KIF1A: variants seen among roughly 807,000 people sequenced by gnomAD.
The protein encoded by KIF1A is kinesin family member 1A.
In KIF1A, 46 loss-of-function variants were observed where a neutral mutation model predicts 227.3. The ratio of observed to expected loss-of-function variants is 0.20; its 90% CI spans 0.16 to 0.26. The LOEUF (loss-of-function observed/expected upper bound fraction) is 0.26. KIF1A is among the 10% of genes least tolerant of loss of function. KIF1A has a pLI of 1.00. For missense variants in KIF1A, 1,683 were observed against 2,485.9 expected (o/e 0.68, Z 6.87); for synonymous variants, 1,022 against 1,012.8 (o/e 1.01, Z -0.17).
intron 38 of KIF1A, chr2:240,728,527 G>A (rs984875390): frequency 1.8e-5 from 11 of 626,332 alleles, no homozygotes; most frequent in African/African-American, 3.8e-5. Context: ...GCAGGTGCAC[G>A]CCGGATCTCA....
In KIF1A at chr2:240,773,942, C is replaced by T. The variant is rs1028624699; in HGVS notation, c.1037+241G>A. On this transcript the variant is annotated intron_variant, in intron 12 of 48. Coordinates refer to ENST00000498729, the MANE Select transcript of KIF1A (RefSeq NM_001244008.2). ...GCACAGCTCTCCCAGTCTGGTGCCA[C>T]GGGGCCCTGGGCTGCCTGCAGCCCC... Among the ~76,000 whole-genome samples the T allele has an allele frequency of 3.9e-5, 6 of 152,286 alleles. No homozygotes were observed. The South Asian group carries it at 1.0e-3, about 26-fold the overall frequency.
chr2:240,763,466 C>A (rs1311693044), intron 20 of KIF1A, 120 bp from the exon 21 acceptor site: 2 of 906,382 alleles, frequency 2.2e-6, no homozygotes, highest in Non-Finnish European at 3.3e-6. Context: ...ATCCCCAGCT[C>A]CCAGCCACTC....
intron 32 of KIF1A, among the ~76,000 whole-genome samples, chr2:240,744,528 G>C (rs528342195): frequency 6.6e-6 from 1 of 152,304 alleles, no homozygotes; most frequent in East Asian, 1.9e-4. Flanking sequence ...GTTAACGAGA[G>C]GTCATCAGAG....
rs111599195 is a variant in KIF1A, at chr2:240,795,323, G to A, written c.106+2324C>T. Among the ~76,000 whole-genome samples, 39 of 152,298 alleles carry A rather than the reference G, an allele frequency of 2.6e-4. 1 individual carries two copies. The South Asian group carries it at 7.7e-3, about 30-fold the overall frequency. On this transcript the variant is annotated intron_variant, in intron 2 of 48. Coordinates refer to ENST00000498729, the MANE Select transcript of KIF1A (RefSeq NM_001244008.2). ...CCAGGCATTTGAAGCAGGGTGTCTC[G>A]CTTCAGGTTTCAATCCCACTGGCTA...
At position 240,714,069 on chromosome 2, in the gene KIF1A, C is replaced by G. The variant is rs561653280; in HGVS notation, c.*3295G>C. The G allele has an allele frequency of 1.3e-5, 2 of 152,592 alleles. No individual in the cohort carries two copies. The allele number at this position is 152,592 out of a possible 1,614,324, so 9.5% of individuals were successfully genotyped here. Reference sequence around the variant, plus strand: ...TCTGGGGGACCGCACGGCCCGGCACCGGGGGTAAGGGAGTGTGCCTTCCGT... The same window carrying G: ...TCTGGGGGACCGCACGGCCCGGCACGGGGGGTAAGGGAGTGTGCCTTCCGT... On this transcript the variant is annotated 3_prime_UTR_variant, in exon 49 of 49. Transcript: ENST00000498729.
chr2:240,723,987 C>T lies in KIF1A; in HGVS notation c.4306G>A (p.Ala1436Thr), dbSNP rs200126737. ...GGCAGATACCTACCTGGGCTGCCCG[C>T]GTCAGCCACGTGGCACAGGCTGAGC... ...YELSLCHVAD[A>T]GSPGMQRRRR... Residue 1436 changes from alanine (A) to threonine (T), a missense_variant, in exon 41 of 49, where the codon GCG becomes ACG. By Grantham distance (58) the Ala-to-Thr change is moderately conservative. Transcript: ENST00000498729. The T allele has an allele frequency of 1.9e-4, 306 of 1,612,196 alleles. No homozygotes were observed. Among genetic ancestry groups the T allele is most frequent in the Non-Finnish European group, 2.4e-4 (280 of 1,179,552 alleles).
intron 45 of KIF1A, 90 bp from the exon 46 acceptor site, chr2:240,720,016 A>T: frequency 7.2e-7 from 1 of 1,380,238 alleles, no homozygotes. Context: ...AGAGCACCTC[A>T]GAAGGTGCAG....
Position 240,766,991 on chromosome 2 carries a change from C to T in KIF1A, c.1608G>A (p.Gln536=). The T allele has an allele frequency of 1.9e-6, 3 of 1,611,958 alleles. No individual in the cohort carries two copies. The highest frequency in any genetic ancestry group is 2.5e-6 in the Non-Finnish European group (3 of 1,179,426). Residue 536 remains glutamine (Q), a synonymous_variant, in exon 19 of 49, where the codon CAG becomes CAA. Transcript: ENST00000498729. The surrounding 1 kb of genome is among the most constrained non-coding windows in gnomAD (Gnocchi z 5.0). ...TGAAGTGCCCACTCAGAACAATGTC[C>T]TGCCGCCTCTCGCCATCCTCCCTGC... ...RVGREDGERR[Q]DIVLSGHFIK...
At chr2:240,759,510 G>A (rs890329115) in intron 25 of KIF1A, among the ~76,000 whole-genome samples, 3 of 152,182 alleles carry the variant, frequency 2.0e-5, no homozygotes, top group Non-Finnish European at 2.9e-5. Flanking sequence ...AGCCTAAGCT[G>A]TCTCCCTGCT....
chr2:240,768,278 AG>A (rs2051458239), intron 17 of KIF1A, among the ~76,000 whole-genome samples: 1 of 152,214 alleles, frequency 6.6e-6, no homozygotes, highest in South Asian at 2.1e-4. Flanking sequence ...ACCAAACCAA[AG>A]GCCTGTCTAG....
chr2:240,787,229 A>C lies in KIF1A; in HGVS notation c.429+22T>G, dbSNP rs2288746. 4 of 1,604,568 alleles carry C rather than the reference A, an allele frequency of 2.5e-6. No homozygotes were observed. The East Asian group carries it at 8.9e-5, about 36-fold the overall frequency. On this transcript the variant is annotated intron_variant, in intron 5 of 48. Coordinates refer to ENST00000498729, the MANE Select transcript of KIF1A (RefSeq NM_001244008.2). ...GATTCCCAGCCCTGCCCCAGCGGCC[A>C]ACGGCAGGCGGGGAGCCCTACCTCC... is the stretch of plus-strand genomic sequence containing the variant.
intron 38 of KIF1A, among the ~76,000 whole-genome samples, chr2:240,734,310 G>A (rs1048026516): frequency 6.6e-6 from 1 of 152,138 alleles, no homozygotes; most frequent in Non-Finnish European, 1.5e-5. Context: ...TCCTCACAGG[G>A]TGGTGCAGCC....
At chr2:240,769,455 C>G (rs578200118) in intron 16 of KIF1A, among the ~76,000 whole-genome samples, 172 bp downstream of exon 16, 2 of 152,342 alleles carry the variant, frequency 1.3e-5, no homozygotes, top group Admixed American at 6.5e-5. Flanking sequence ...CAGCAGTACA[C>G]AAGGTGGGGG....
chr2:240,779,609 C>G (rs1575614198), intron 10 of KIF1A, among the ~76,000 whole-genome samples: 1 of 151,032 alleles, frequency 6.6e-6, no homozygotes, highest in Admixed American at 6.6e-5. Flanking sequence ...CAGTTCCTCA[C>G]AGTTCCTCAC....
intron 34 of KIF1A, among the ~76,000 whole-genome samples, chr2:240,742,568 A>C (rs1371781798): frequency 6.6e-6 from 1 of 151,486 alleles, no homozygotes; most frequent in Non-Finnish European, 1.5e-5. Flanking sequence ...TCTCGCTCCC[A>C]CCTCCAGCCT....
At chr2:240,812,525 G>A (rs1339232574) in intron 1 of KIF1A, among the ~76,000 whole-genome samples, 1 of 150,924 alleles carries the variant, frequency 6.6e-6, no homozygotes, top group African/African-American at 2.4e-5. Flanking sequence ...CCTTCACCTG[G>A]GGATCCACCT....
chr2:240,763,110 G>T lies in KIF1A; in HGVS notation c.1950-19C>A, dbSNP rs2050733597. ...CTGGAGCCTGCAAGGGGGCATTGGG[G>T]TGAGCACGGGAGGGCAGGAGGGGCA... On this transcript the variant is annotated intron_variant, in intron 21 of 48. Coordinates refer to ENST00000498729, the MANE Select transcript of KIF1A (RefSeq NM_001244008.2). 1 of 1,596,826 alleles carries T rather than the reference G, an allele frequency of 6.3e-7. No homozygotes were observed.
chr2:240,760,538 T>C, intron 25 of KIF1A, 127 bp downstream of exon 25: 1 of 610,252 alleles, frequency 1.6e-6, no homozygotes, highest in Non-Finnish European at 2.6e-6. Context: ...TTAAAATAAT[T>C]GGAACAGGAG....
intron 45 of KIF1A, 134 bp downstream of exon 45, chr2:240,720,780 C>G: frequency 1.8e-6 from 2 of 1,137,128 alleles, no homozygotes; most frequent in South Asian, 3.5e-5. Context: ...AGGCCCTTCC[C>G]TCAGCCTGTG....
Sources: allele counts gnomAD v4.1 joint callset (sites outside exome capture counted in the v4.1 genomes callset), GRCh38; gene constraint gnomAD v4.1.1; non-coding constraint Gnocchi (gnomAD v3.1); transcripts MANE v1.5; gene names NCBI Gene and HGNC (gene_info 2026-07-23, HGNC 2026-07-21).